HSPA12A: variants seen among roughly 807,000 people sequenced by gnomAD.
HSPA12A encodes the protein heat shock 70 kDa protein 12A.
HSPA12A carries 28 observed loss-of-function variants against 69.2 expected under a neutral mutation model. The ratio of observed to expected loss-of-function variants is 0.40; its 90% CI spans 0.30 to 0.55. The LOEUF (loss-of-function observed/expected upper bound fraction) is 0.55, where lower values mean the gene tolerates loss of function less well. Ranked by LOEUF, HSPA12A falls within the 20% of genes least tolerant of loss-of-function variation. HSPA12A has a pLI of 0.38. For missense variants in HSPA12A, 686 were observed against 900.7 expected (o/e 0.76, Z 3.05); for synonymous variants, 345 against 370.5 (o/e 0.93, Z 0.79).
intron 2 of HSPA12A, among the ~76,000 whole-genome samples, chr10:116,782,569 T>G (rs781914270): frequency 5.9e-5 from 9 of 152,116 alleles, no homozygotes; most frequent in African/African-American, 9.7e-5. Flanking sequence ...TGCTTAGAGT[T>G]GTAATGTGGA....
chr10:116,819,800 G>A (rs991862129), intron 2 of HSPA12A, among the ~76,000 whole-genome samples: 2 of 152,178 alleles, frequency 1.3e-5, no homozygotes, highest in Admixed American at 6.5e-5. Context: ...TCTGTATGTA[G>A]CCATACATGT....
At chr10:116,789,158 A>G (rs1000658991) in intron 2 of HSPA12A, among the ~76,000 whole-genome samples, 10 of 152,032 alleles carry the variant, frequency 6.6e-5, no homozygotes, top group African/African-American at 2.4e-4. Context: ...GAGCCACCGC[A>G]CCCAGCCACT....
At chr10:116,688,783 T>C (rs1849651302) in intron 6 of HSPA12A, among the ~76,000 whole-genome samples, 1 of 152,216 alleles carries the variant, frequency 6.6e-6, no homozygotes, top group African/African-American at 2.4e-5. Context: ...ATTTAACACG[T>C]TTCCGGAGCC....
chr10:116,780,526 A>ATTTATTTTAT (rs145237754), intron 2 of HSPA12A, among the ~76,000 whole-genome samples: 6 of 148,356 alleles, frequency 4.0e-5, no homozygotes, highest in Non-Finnish European at 7.4e-5. Flanking sequence ...TAATTTTTTG[A>ATTTATTTTAT]TTTATTTTAT....
intron 3 of HSPA12A, among the ~76,000 whole-genome samples, chr10:116,703,010 T>G (rs1339517915): frequency 6.6e-6 from 1 of 152,224 alleles, no homozygotes; most frequent in Non-Finnish European, 1.5e-5. Context: ...AACAACTACA[T>G]AGAAGCTGAT....
intron 2 of HSPA12A, among the ~76,000 whole-genome samples, chr10:116,823,753 C>T (rs1019886020): frequency 6.6e-6 from 1 of 152,090 alleles, no homozygotes; most frequent in African/African-American, 2.4e-5. Context: ...ATTCTAAATG[C>T]ACAAAAAGCC....
At chr10:116,826,575 T>C (rs943239485) in intron 2 of HSPA12A, among the ~76,000 whole-genome samples, 6 of 152,108 alleles carry the variant, frequency 3.9e-5, no homozygotes, top group African/African-American at 7.2e-5. Context: ...GAAGGGCAAA[T>C]GGGGTTGCTT....
At position 116,686,317 on chromosome 10, in the gene HSPA12A, T is replaced by A. The variant is rs1447346235; in HGVS notation, c.664-2355A>T. ...GGCCCCTTCCGAGGGACAGCTCCTG[T>A]GCTGATTCTTCCATCCTTGAGGTTG... On this transcript the variant is annotated intron_variant, in intron 6 of 11. Coordinates refer to ENST00000369209, the MANE Select transcript of HSPA12A (RefSeq NM_025015.3). The surrounding 1 kb of genome is among the most constrained non-coding windows in gnomAD (Gnocchi z 4.1). Among the ~76,000 whole-genome samples the A allele has an allele frequency of 2.0e-5, 3 of 152,136 alleles. No individual in the cohort carries two copies. Among genetic ancestry groups the A allele is most frequent in the African/African-American group, 7.2e-5 (3 of 41,408 alleles).
At chr10:116,774,999 T>C (rs545779610) in intron 2 of HSPA12A, among the ~76,000 whole-genome samples, 32 of 152,104 alleles carry the variant, frequency 2.1e-4, no homozygotes, top group African/African-American at 7.5e-4. Context: ...ACTGTGCTGC[T>C]TTGGGGGACT....
At chr10:116,705,543 G>A (rs1019518579) in intron 2 of HSPA12A, among the ~76,000 whole-genome samples, 6 of 152,236 alleles carry the variant, frequency 3.9e-5, no homozygotes, top group Non-Finnish European at 8.8e-5. Context: ...CCTCTCTATA[G>A]ACCGTGCCCG....
chr10:116,724,773 G>C (rs1246853206), intron 1 of HSPA12A, among the ~76,000 whole-genome samples: 1 of 152,158 alleles, frequency 6.6e-6, no homozygotes, highest in Non-Finnish European at 1.5e-5. Flanking sequence ...GCCTCACTGG[G>C]TGCCCTGCGG....
rs908123377 is a variant in HSPA12A at position 116,834,900 on chromosome 10, A to G, written c.91+35T>C. 20 of 1,142,288 alleles carry G rather than the reference A, an allele frequency of 1.8e-5. No individual in the cohort carries two copies. The Middle Eastern group carries it at 9.9e-4, about 57-fold the overall frequency. 70.8% of individuals were successfully genotyped at this position (1,142,288 alleles called of 1,614,324 possible). A position where few individuals can be genotyped will look rare whatever the true frequency, so the allele number is the denominator to read the frequency against. On this transcript the variant is annotated intron_variant, in intron 2 of 12. Transcript: ENST00000635765. ...TTCTGGGGCAGTTATTTCAGATGCC[A>G]GTTTGATACTTACACACATTAGTTA...
intron 2 of HSPA12A, among the ~76,000 whole-genome samples, chr10:116,805,990 C>G (rs1681743): frequency 6.6e-6 from 1 of 151,990 alleles, no homozygotes; most frequent in Non-Finnish European, 1.5e-5. Context: ...TTTGGTCCAA[C>G]GTGAGAGATG....
chr10:116,845,971 T>G (rs191664160), intron 1 of HSPA12A, among the ~76,000 whole-genome samples: 1 of 152,346 alleles, frequency 6.6e-6, no homozygotes, highest in East Asian at 1.9e-4. Context: ...ACATTTATGA[T>G]TTCACTTTCT....
chr10:116,703,833 C>G (rs1850151045), intron 3 of HSPA12A, among the ~76,000 whole-genome samples: 1 of 152,212 alleles, frequency 6.6e-6, no homozygotes, highest in Non-Finnish European at 1.5e-5. Flanking sequence ...AGAGTGCATC[C>G]CAGGAGGCCC....
intron 6 of HSPA12A, among the ~76,000 whole-genome samples, chr10:116,689,041 A>C (rs1849659094): frequency 6.6e-6 from 1 of 152,130 alleles, no homozygotes; most frequent in South Asian, 2.1e-4. Context: ...CACTCAACTC[A>C]AGGCGAGTTT....
At chr10:116,703,541 A>G (rs1388499966) in intron 3 of HSPA12A, among the ~76,000 whole-genome samples, 3 of 151,200 alleles carry the variant, frequency 2.0e-5, no homozygotes, top group Non-Finnish European at 4.4e-5. Context: ...CTCTTAAAAA[A>G]AAAAAAATAA....
At chr10:116,794,248 C>A (rs1481348051) in intron 2 of HSPA12A, among the ~76,000 whole-genome samples, 1 of 151,952 alleles carries the variant, frequency 6.6e-6, no homozygotes, top group Admixed American at 6.6e-5. Context: ...ATAAAGGGAC[C>A]AAATGCTCCT....
At chr10:116,810,109 T>TG (rs1189083487) in intron 2 of HSPA12A, among the ~76,000 whole-genome samples, 2 of 152,182 alleles carry the variant, frequency 1.3e-5, no homozygotes, top group Non-Finnish European at 2.9e-5. Context: ...CTCCAAGCCA[T>TG]GGGGGGTGCT....
Sources: allele counts gnomAD v4.1 joint callset (sites outside exome capture counted in the v4.1 genomes callset), GRCh38; gene constraint gnomAD v4.1.1; non-coding constraint Gnocchi (gnomAD v3.1); transcripts MANE v1.5; gene names NCBI Gene and HGNC (gene_info 2026-07-23, HGNC 2026-07-21).